Variants in UBE4B observed in about 807,000 individuals in gnomAD.
UBE4B encodes ubiquitination factor E4B, also known as ubiquitin conjugation factor E4 B.
Under a neutral mutation model 148.1 loss-of-function variants are expected in UBE4B, and 27 were observed. That is an observed-to-expected ratio of 0.18 (90% CI 0.13 to 0.25). The LOEUF (loss-of-function observed/expected upper bound fraction) is 0.25. Ranked by LOEUF, UBE4B falls within the 10% of genes least tolerant of loss-of-function variation. The probability of loss-of-function intolerance (pLI) is 1.00; values close to 1 mark genes in which losing one functional copy is unlikely to be tolerated. For missense variants in UBE4B, 1,170 were observed against 1,662.4 expected, an observed-to-expected ratio of 0.70 and a Z score of 5.15; for synonymous variants, 596 against 619.3, an observed-to-expected ratio of 0.96 and a Z score of 0.56.
intron 10 of UBE4B, among the ~76,000 whole-genome samples, chr1:10,122,434 A>G (rs574561143): frequency 6.6e-6 from 1 of 152,330 alleles, no homozygotes; most frequent in Non-Finnish European, 1.5e-5. Context: ...AGTGTCAAAA[A>G]TTCATTCTCT....
intron 1 of UBE4B, among the ~76,000 whole-genome samples, chr1:10,043,551 C>T (rs1388760416): frequency 2.6e-5 from 4 of 151,808 alleles, no homozygotes; most frequent in Non-Finnish European, 5.9e-5. Context: ...CTCAGCCTCC[C>T]AAGTAGCTGG....
At chr1:10,172,509 C>T (rs551707757) in intron 25 of UBE4B, among the ~76,000 whole-genome samples, 2 of 152,258 alleles carry the variant, frequency 1.3e-5, no homozygotes, top group East Asian at 3.9e-4. Flanking sequence ...AACCCATATC[C>T]TCAGTCTCTC....
At chr1:10,170,767 C>T (rs1557615389) in intron 24 of UBE4B, among the ~76,000 whole-genome samples, 2 of 152,104 alleles carry the variant, frequency 1.3e-5, no homozygotes, top group Admixed American at 6.6e-5. Context: ...TGACTCAAAA[C>T]TTTTTTTGCT....
intron 1 of UBE4B, among the ~76,000 whole-genome samples, chr1:10,040,980 CT>C (rs1413538150): frequency 1.3e-5 from 2 of 152,090 alleles, no homozygotes; most frequent in Non-Finnish European, 2.9e-5. Context: ...CCTGAGGTCC[CT>C]TTTTTCCTCA....
intron 8 of UBE4B, among the ~76,000 whole-genome samples, chr1:10,118,097 G>A (rs1044601642): frequency 6.6e-5 from 10 of 152,160 alleles, no homozygotes; most frequent in African/African-American, 1.9e-4. Context: ...CCAGAATCAC[G>A]TAAATAATAA....
rs147423649 is a variant in UBE4B at position 10,077,320 on chromosome 1, G to A, written c.211+5106G>A. Among the ~76,000 whole-genome samples, 701 of 152,202 alleles carry A rather than the reference G, an allele frequency of 4.6e-3. 9 individuals carry two copies. The highest frequency in any genetic ancestry group is 0.016 in the African/African-American group (671 of 41,532). On this transcript the variant is annotated intron_variant, in intron 2 of 27. Coordinates refer to ENST00000343090, the MANE Select transcript of UBE4B (RefSeq NM_001105562.3). Reference sequence around the variant, plus strand: ...CGTCCGTCTTCACATGGCCATCTTCGTTCTGTGTGTGTCTGTGTCCAAATT... The same window carrying A: ...CGTCCGTCTTCACATGGCCATCTTCATTCTGTGTGTGTCTGTGTCCAAATT...
At chr1:10,121,239 C>G (rs931429370) in intron 9 of UBE4B, among the ~76,000 whole-genome samples, 2 of 151,916 alleles carry the variant, frequency 1.3e-5, no homozygotes, top group African/African-American at 4.8e-5. Context: ...GCCTGTAGTC[C>G]CAGCTACTTG....
chr1:10,087,434 G>T (rs1442926481), intron 2 of UBE4B, among the ~76,000 whole-genome samples: 1 of 152,166 alleles, frequency 6.6e-6, no homozygotes, highest in East Asian at 1.9e-4. Context: ...GATTAGCCTG[G>T]ATATGATTTT....
intron 7 of UBE4B, 50 bp from the exon 8 acceptor site, chr1:10,117,408 CA>C (rs778931700): frequency 6.2e-7 from 1 of 1,605,576 alleles, no homozygotes; most frequent in Non-Finnish European, 8.5e-7. Context: ...CAAACTCTGC[CA>C]AAAATAATCA....
At chr1:10,109,170 C>T (rs994176942) in intron 7 of UBE4B, among the ~76,000 whole-genome samples, 10 of 151,792 alleles carry the variant, frequency 6.6e-5, no homozygotes, top group Admixed American at 3.9e-4. Context: ...CTTTACTCCT[C>T]GCTGTAGCCT....
rs372965293 is a variant in UBE4B at position 10,136,920 on chromosome 1, CAAAT to C, written c.2225-127_2225-124del. The C allele has an allele frequency of 4.7e-4, 457 of 971,058 alleles. 2 individuals carry two copies. Among genetic ancestry groups the C allele is most frequent in the East Asian group, 1.0e-3 (35 of 35,104 alleles). 60.2% of individuals were successfully genotyped at this position (971,058 alleles called of 1,614,324 possible). On this transcript the variant is annotated intron_variant, in intron 16 of 27. Coordinates refer to ENST00000343090, the MANE Select transcript of UBE4B (RefSeq NM_001105562.3). ...GGGTGACGAGAGCAAAAGTCCATCT[CAAAT>C]AAATAAATAAATAAATAAACAAATA...
At chr1:10,121,312 G>A (rs917189637) in intron 9 of UBE4B, among the ~76,000 whole-genome samples, 10 of 152,100 alleles carry the variant, frequency 6.6e-5, no homozygotes, top group Admixed American at 3.9e-4. Context: ...CCGAAATTGC[G>A]CCACCATACT....
At chr1:10,165,726 G>A (rs528116231) in intron 23 of UBE4B, among the ~76,000 whole-genome samples, 13 of 152,014 alleles carry the variant, frequency 8.6e-5, no homozygotes, top group Admixed American at 1.3e-4. Flanking sequence ...CAGATTTTCC[G>A]ACTCCTTCAG....
At chr1:10,050,163 TG>T (rs1279007798) in intron 1 of UBE4B, among the ~76,000 whole-genome samples, 2 of 152,050 alleles carry the variant, frequency 1.3e-5, no homozygotes, top group Non-Finnish European at 2.9e-5. Flanking sequence ...CCTCCACTTC[TG>T]GGGTTCAAGC....
chr1:10,117,794 A>G (rs1027788003), intron 8 of UBE4B, among the ~76,000 whole-genome samples, 194 bp downstream of exon 8: 1 of 152,202 alleles, frequency 6.6e-6, no homozygotes, highest in Admixed American at 6.5e-5. Flanking sequence ...TGGAACTCAC[A>G]TTCTAATAGA....
intron 16 of UBE4B, 117 bp from the exon 17 acceptor site, chr1:10,136,950 A>T: frequency 8.8e-7 from 1 of 1,139,242 alleles, no homozygotes; most frequent in Non-Finnish European, 1.2e-6. Context: ...TAAACAAATA[A>T]AAAGTATCTT....
intron 3 of UBE4B, among the ~76,000 whole-genome samples, chr1:10,096,526 G>A (rs763970278): frequency 1.3e-5 from 2 of 152,066 alleles, no homozygotes; most frequent in African/African-American, 4.8e-5. Flanking sequence ...GAGGTCAGAA[G>A]TTCAAGACCA....
rs905585627 is a variant in UBE4B, at chr1:10,171,881, AAAAT to A, written c.3525+563_3525+566del. 3.9e-5 allele frequency among the ~76,000 whole-genome samples: 6 copies of A among 152,198 alleles called. No individual in the cohort carries two copies. The East Asian group carries it at 7.7e-4, about 20-fold the overall frequency. ...GGGCAACAGGGTGAGACTCTGTCTC[AAAAT>A]AAATAAATAAGTAAGTAAGTAAGTA... On this transcript the variant is annotated intron_variant, in intron 25 of 27. Transcript: ENST00000343090.
At chr1:10,073,647 G>A (rs1169901945) in intron 2 of UBE4B, among the ~76,000 whole-genome samples, 1 of 152,112 alleles carries the variant, frequency 6.6e-6, no homozygotes, top group Non-Finnish European at 1.5e-5. Flanking sequence ...TTAAACCCGG[G>A]AGGTGGAGGT....
Sources: gnomAD v4.1 joint callset for allele counts (sites outside exome capture counted in the v4.1 genomes callset) on GRCh38, gnomAD v4.1.1 for gene constraint, MANE v1.5 for transcripts, NCBI Gene and HGNC (gene_info 2026-07-23, HGNC 2026-07-21) for gene names.